Variants in SNAPC4 observed in about 807,000 individuals in gnomAD.
SNAPC4 encodes the protein snRNA-activating protein complex subunit 4.
Under a neutral mutation model 151.3 loss-of-function variants are expected in SNAPC4, and 127 were observed. That is an observed-to-expected ratio of 0.84 (90% CI 0.73 to 0.97). The LOEUF (loss-of-function observed/expected upper bound fraction) is 0.97, where lower values mean the gene tolerates loss of function less well. Ranked by LOEUF, SNAPC4 falls within the 50% of genes least tolerant of loss-of-function variation. The pLI is 0.00. For missense variants in SNAPC4, 2,186 were observed against 1,935.0 expected (o/e 1.13, Z -2.43); for synonymous variants, 1,002 against 824.4 (o/e 1.22, Z -3.69).
At position 136,395,623 on chromosome 9, in the gene SNAPC4, C is replaced by A. The variant is rs371564778; in HGVS notation, c.325G>T (p.Ala109Ser). 51 of 1,611,984 alleles carry A rather than the reference C, an allele frequency of 3.2e-5. No homozygotes were observed. The highest frequency in any genetic ancestry group is 4.0e-5 in the Non-Finnish European group (47 of 1,179,526). ...EKLAEANLLL[A>S]QNREQQEELM... ...CCCACCTGCTGCTCCCGGTTCTGGG[C>A]CAGCAGCAGGTTGGCCTCAGCCAGC... Residue 109 changes from alanine (A) to serine (S), a missense_variant, in exon 4 of 24, where the codon GCC (alanine) becomes TCC (serine). Ala to Ser is a moderately conservative substitution (Grantham distance 99, BLOSUM62 1). Transcript: ENST00000684778.
chr9:136,382,394 C>T, intron 16 of SNAPC4, 58 bp from the exon 17 acceptor site: 1 of 1,418,206 alleles, frequency 7.1e-7, no homozygotes, highest in Non-Finnish European at 9.9e-7. Context: ...CATGGGGGCC[C>T]TCCCCTCGCT....
At chr9:136,376,609 G>C in intron 22 of SNAPC4, 128 bp from the exon 23 acceptor site, 4 of 1,102,830 alleles carry the variant, frequency 3.6e-6, no homozygotes, top group Non-Finnish European at 5.4e-6. Flanking sequence ...CCTCAGCTCA[G>C]GCGGGAGCTG....
rs746819680 is a variant in SNAPC4, at chr9:136,382,049, G to T, written c.2092C>A (p.Leu698Met). 1.3e-6 allele frequency: 2 copies of T among 1,597,062 alleles called. No individual in the cohort carries two copies. Among genetic ancestry groups the T allele is most frequent in the Middle Eastern group, 2.2e-4 (1 of 4,598 alleles). Residue 698 changes from leucine to methionine, a missense_variant, in exon 18 of 24, where the codon CTG becomes ATG. Physicochemically the swap from Leu to Met is conservative, Grantham distance 15. Transcript: ENST00000684778. ...TQKEQLRQPP[L>M]PTSSPGVSSG... ...CTGACCCCTGGGGATGAGGTGGGCAGGGGTGGCTGCCTCAGCTGCTCTTTC... is the reference window on the plus strand; with the variant it reads ...CTGACCCCTGGGGATGAGGTGGGCATGGGTGGCTGCCTCAGCTGCTCTTTC...
chr9:136,381,870 C>T lies in SNAPC4; in HGVS notation c.2271G>A (p.Val757=), dbSNP rs540632809. Residue 757 remains valine, a synonymous_variant, in exon 18 of 24, where the codon GTG becomes GTA. Coordinates refer to ENST00000684778, the MANE Select transcript of SNAPC4 (RefSeq NM_003086.4). ...GTCTCTGGGAAGCCTGTGTGCAGGG[C>T]ACGACAACGTCCCCTACCCAAGGGG... ...AVTPWVGDVV[V]PCTQASQRPA... The T allele has an allele frequency of 6.2e-7, 1 of 1,612,728 alleles. No homozygotes were observed. Among genetic ancestry groups the T allele is most frequent in the East Asian group, 2.2e-5 (1 of 44,882 alleles).
At chr9:136,388,656 G>C (rs1833972478) in intron 10 of SNAPC4, 65 bp from the exon 11 acceptor site, 2 of 1,598,702 alleles carry the variant, frequency 1.3e-6, no homozygotes, top group South Asian at 1.1e-5. Flanking sequence ...ATCTGGCTCT[G>C]AGTGCCCCAG....
intron 16 of SNAPC4, among the ~76,000 whole-genome samples, chr9:136,382,855 G>A (rs143833757): frequency 6.6e-6 from 1 of 152,310 alleles, no homozygotes; most frequent in East Asian, 1.9e-4. Flanking sequence ...AGGGCCTCCA[G>A]GTGCACAGGC....
At chr9:136,392,186 C>T (rs1834101062) in intron 9 of SNAPC4, 80 bp from the exon 10 acceptor site, 1 of 1,553,574 alleles carries the variant, frequency 6.4e-7, no homozygotes, top group East Asian at 2.3e-5. Context: ...TGAGCTGTTG[C>T]TCTCCGCCAG....
rs200982190 is a variant in SNAPC4 at position 136,376,477 on chromosome 9, G to A, written c.4289C>T (p.Ala1430Val). The A allele has an allele frequency of 1.9e-6, 3 of 1,613,054 alleles. No individual in the cohort carries two copies. Among genetic ancestry groups the A allele is most frequent in the East Asian group, 4.5e-5 (2 of 44,870 alleles). The change falls in exon 23 of 24, where the codon GCC becomes GTC. Residue 1430 changes from alanine (A) to valine (V), a missense_variant. Ala to Val is a moderately conservative substitution (Grantham distance 64, BLOSUM62 0). Coordinates refer to ENST00000684778, the MANE Select transcript of SNAPC4 (RefSeq NM_003086.4). ...CTTATCPIQG[A>V]PDSGKCSASS... Reference sequence around the variant, plus strand: ...AGCAGAGCATTTACCAGAGTCTGGGGCTCCCTGAAAGAAAATCCAGGCAGT... The same window carrying A: ...AGCAGAGCATTTACCAGAGTCTGGGACTCCCTGAAAGAAAATCCAGGCAGT...
intron 16 of SNAPC4, 30 bp from the exon 17 acceptor site, chr9:136,382,366 C>G: frequency 2.5e-6 from 4 of 1,600,594 alleles, no homozygotes; most frequent in Non-Finnish European, 2.6e-6. Context: ...AGGCGAGGCA[C>G]GCGGGGTGTA....
intron 2 of SNAPC4, 39 bp from the exon 3 acceptor site, chr9:136,397,062 G>A (rs749294661): frequency 4.7e-5 from 75 of 1,590,182 alleles, no homozygotes; most frequent in East Asian, 2.5e-4. Flanking sequence ...GGTAACCAGC[G>A]TCTTGGGCAG....
At position 136,383,513 on chromosome 9, in the gene SNAPC4, G is replaced by A. The variant is rs530990444; in HGVS notation, c.1656C>T (p.Ala552=). The A allele has an allele frequency of 9.3e-5, 147 of 1,584,164 alleles. No homozygotes were observed. The South Asian group carries it at 1.5e-3, about 16-fold the overall frequency. The change falls in exon 16 of 24, where the codon GCC becomes GCT. Residue 552 remains alanine, a synonymous_variant. Coordinates refer to ENST00000684778, the MANE Select transcript of SNAPC4 (RefSeq NM_003086.4). The surrounding 1 kb of genome is among the most constrained non-coding windows in gnomAD (Gnocchi z 4.2). ...ACAGCAGCGCTCTGTCACCCTCCCC[G>A]GCCTGCGCCTGCTCTGGCTCGTCCT... The part of the protein sequence containing the change: ...SEEDEPEQAQ[A]GEGDRALLSP...
At chr9:136,385,954 T>C (rs1014396842) in intron 13 of SNAPC4, among the ~76,000 whole-genome samples, 1 of 152,208 alleles carries the variant, frequency 6.6e-6, no homozygotes, top group Non-Finnish European at 1.5e-5. Flanking sequence ...TTCACTCTTG[T>C]GAATGATGCT....
intron 21 of SNAPC4, 99 bp from the exon 22 acceptor site, chr9:136,379,398 G>A: frequency 6.5e-7 from 1 of 1,542,078 alleles, no homozygotes; most frequent in South Asian, 1.2e-5. Context: ...CATGTGGGGA[G>A]CCTGGGGTCT....
chr9:136,392,940 C>T (rs1431078785), intron 7 of SNAPC4, among the ~76,000 whole-genome samples, 163 bp from the exon 8 acceptor site: 1 of 152,206 alleles, frequency 6.6e-6, no homozygotes, highest in Non-Finnish European at 1.5e-5. Context: ...GCTGTAGCAC[C>T]CACCTCCAGG....
At chr9:136,387,008 G>A (rs1466954584) in intron 13 of SNAPC4, among the ~76,000 whole-genome samples, 1 of 152,190 alleles carries the variant, frequency 6.6e-6, no homozygotes, top group African/African-American at 2.4e-5. Context: ...ACCTCCCAAA[G>A]TACTGGGATT....
intron 14 of SNAPC4, 58 bp from the exon 15 acceptor site, chr9:136,384,090 G>A (rs1658718251): frequency 1.4e-6 from 2 of 1,470,710 alleles, no homozygotes; most frequent in Admixed American, 1.8e-5. Flanking sequence ...CCCAGGACAG[G>A]CTTGCTGTTC....
rs753626788 is a variant in SNAPC4, at chr9:136,383,143, C to A, written c.1983+43G>T. ...AAGCGTCAGCCCTGGCGAGCGAGTG[C>A]CGAAAGTGCACTTCCCGTGGTACAC... On this transcript the variant is annotated intron_variant, in intron 16 of 23. Coordinates refer to ENST00000684778, the MANE Select transcript of SNAPC4 (RefSeq NM_003086.4). The surrounding 1 kb of genome is among the most constrained non-coding windows in gnomAD (Gnocchi z 4.2). The A allele has an allele frequency of 6.6e-7, 1 of 1,508,784 alleles. No homozygotes were observed. The highest frequency in any genetic ancestry group is 1.3e-5 in the South Asian group (1 of 74,890). 93.5% of individuals were successfully genotyped at this position (1,508,784 alleles called of 1,614,324 possible).
rs761019550 is a variant in SNAPC4, at chr9:136,382,245, G to A, written c.2067+8C>T. On this transcript the variant is annotated splice_region_variant and intron_variant, in intron 17 of 23. Coordinates refer to ENST00000684778, the MANE Select transcript of SNAPC4 (RefSeq NM_003086.4). ...GGCGTGCGCGTGGGTGTCTGCAGCA[G>A]GCCTCACCTGTGTGCAGCTCCGAGC... 1 of 1,612,020 alleles carries A rather than the reference G, an allele frequency of 6.2e-7. No homozygotes were observed. The highest frequency in any genetic ancestry group is 8.5e-7 in the Non-Finnish European group (1 of 1,179,618).
chr9:136,395,949 G>T (rs1834255394), intron 3 of SNAPC4, among the ~76,000 whole-genome samples, 179 bp from the exon 4 acceptor site: 2 of 152,252 alleles, frequency 1.3e-5, no homozygotes, highest in African/African-American at 4.8e-5. Flanking sequence ...GAGTTTGGGA[G>T]TGGAGCCTGT....
Sources: allele counts gnomAD v4.1 joint callset (sites outside exome capture counted in the v4.1 genomes callset), GRCh38; gene constraint gnomAD v4.1.1; non-coding constraint Gnocchi (gnomAD v3.1); transcripts MANE v1.5; gene names NCBI Gene and HGNC (gene_info 2026-07-23, HGNC 2026-07-21).